CNTNAP3: variants seen among roughly 807,000 people sequenced by gnomAD.
CNTNAP3 encodes the protein contactin-associated protein-like 3.
Under a neutral mutation model 92.1 loss-of-function variants are expected in CNTNAP3, and 36 were observed. The ratio of observed to expected loss-of-function variants is 0.39; its 90% CI spans 0.30 to 0.52. The LOEUF (loss-of-function observed/expected upper bound fraction) is 0.52. CNTNAP3 is among the 20% of genes least tolerant of loss of function. The pLI is 0.76. For synonymous variants in CNTNAP3, 232 were observed against 422.3 expected (o/e 0.55, Z 5.53); for missense variants, 534 against 1,069.6 (o/e 0.50, Z 6.98).
At chr9:39,117,935 A>T (rs1208482088) in intron 14 of CNTNAP3, 168 bp downstream of exon 14, 1 of 1,297,500 alleles carries the variant, frequency 7.7e-7, no homozygotes, top group Admixed American at 2.6e-5. Context: ...TTGGTCATAA[A>T]ATTTAATCCT....
intron 13 of CNTNAP3, among the ~76,000 whole-genome samples, chr9:39,129,454 C>G (rs1170441195): frequency 6.8e-6 from 1 of 146,740 alleles, no homozygotes; most frequent in Non-Finnish European, 1.5e-5. Context: ...AGAATCAACT[C>G]TCACATCTTA....
chr9:39,078,686 A>G lies in CNTNAP3; in HGVS notation c.3673+4T>C. 1 of 1,541,886 alleles carries G rather than the reference A, an allele frequency of 6.5e-7. No homozygotes were observed. The highest frequency in any genetic ancestry group is 8.7e-7 in the Non-Finnish European group (1 of 1,145,422). The stretch of plus-strand genomic sequence containing the variant: ...CAGGTGCGCAGGGGTGGAGGGCCAC[A>G]CACCTGCGCCCCCCGCGAGTCGGGG... On this transcript the variant is annotated splice_donor_region_variant and intron_variant, in intron 22 of 23. Transcript: ENST00000297668.
chr9:39,134,151 G>A (rs1191961533), intron 12 of CNTNAP3, among the ~76,000 whole-genome samples: 2 of 151,994 alleles, frequency 1.3e-5, no homozygotes, highest in Non-Finnish European at 2.9e-5. Context: ...CCTAACAACA[G>A]AGATCAGAGG....
chr9:39,083,432 G>A (rs369599018), intron 21 of CNTNAP3, among the ~76,000 whole-genome samples: 1 of 152,098 alleles, frequency 6.6e-6, no homozygotes, highest in Non-Finnish European at 1.5e-5. Flanking sequence ...AGACTGAGGC[G>A]GGTGGATCAC....
Position 39,065,858 on chromosome 9 carries a change from A to C in CNTNAP3, c.*8032T>G, listed in dbSNP as rs1207174888. On this transcript the variant is annotated 3_prime_UTR_variant, in exon 24 of 24. Transcript: ENST00000297668. ...TCTTTATGAACTATATTCTGAAAAA[A>C]ATTTACAGCATTCAAATAAAGTGTT... 2.0e-5 allele frequency among the ~76,000 whole-genome samples: 3 copies of C among 152,094 alleles called. No individual in the cohort carries two copies. Among genetic ancestry groups the C allele is most frequent in the Admixed American group, 1.3e-4 (2 of 15,254 alleles).
chr9:39,125,646 T>C (rs1821136929), intron 13 of CNTNAP3, among the ~76,000 whole-genome samples: 1 of 152,006 alleles, frequency 6.6e-6, no homozygotes, highest in Admixed American at 6.6e-5. Context: ...AGATATACCA[T>C]GGTAACACTA....
intron 23 of CNTNAP3, among the ~76,000 whole-genome samples, chr9:39,076,658 T>G (rs903440029): frequency 6.6e-6 from 1 of 152,304 alleles, no homozygotes; most frequent in African/African-American, 2.4e-5. Context: ...GTCTGCAGAA[T>G]AAGAATACAA....
intron 17 of CNTNAP3, among the ~76,000 whole-genome samples, chr9:39,102,248 C>T (rs1296233430): frequency 1.1e-4 from 17 of 152,354 alleles, no homozygotes; most frequent in East Asian, 3.9e-4. Flanking sequence ...CCACTGCACT[C>T]CAGCCTGGGC....
At chr9:39,130,907 T>C (rs1054233869) in intron 13 of CNTNAP3, among the ~76,000 whole-genome samples, 1 of 151,850 alleles carries the variant, frequency 6.6e-6, no homozygotes, top group African/African-American at 2.4e-5. Flanking sequence ...GATGTCACCT[T>C]GGGGTGGGGG....
chr9:39,125,675 GTATCTAAAT>G (rs1337694541), intron 13 of CNTNAP3, among the ~76,000 whole-genome samples: 2 of 152,000 alleles, frequency 1.3e-5, no homozygotes, highest in African/African-American at 4.8e-5. Context: ...GAAAGCCAGA[GTATCTAAAT>G]TAATTTTAGA....
chr9:39,086,366 C>T (rs1422462363), intron 20 of CNTNAP3: 1 of 277,708 alleles, frequency 3.6e-6, no homozygotes, highest in African/African-American at 2.2e-5. Flanking sequence ...AAGACAAGTT[C>T]CCACTGCAGT....
intron 12 of CNTNAP3, among the ~76,000 whole-genome samples, chr9:39,136,000 G>T (rs2315719): frequency 6.6e-6 from 1 of 151,296 alleles, no homozygotes; most frequent in Admixed American, 6.6e-5. Context: ...GTGGTGGCAC[G>T]TGCCTGTAGT....
intron 9 of CNTNAP3, chr9:39,159,159 T>A (rs1040574269): frequency 6.7e-6 from 1 of 149,832 alleles, no homozygotes; most frequent in African/African-American, 2.4e-5. Flanking sequence ...GACTTTGGAA[T>A]CCATAGTGTA....
Position 39,067,491 on chromosome 9 carries a change from G to A in CNTNAP3, c.*6399C>T, listed in dbSNP as rs1282704758. On this transcript the variant is annotated 3_prime_UTR_variant, in exon 24 of 24. Transcript: ENST00000297668. ...CGGCCCACTGCAAACTCTGCCTCCC[G>A]GGTTCATGCCATTCTCCTGCCCCAG... Among the ~76,000 whole-genome samples, 1 of 152,300 alleles carries A rather than the reference G, an allele frequency of 6.6e-6. No homozygotes were observed. Among genetic ancestry groups the A allele is most frequent in the South Asian group, 2.1e-4 (1 of 4,834 alleles).
chr9:39,147,042 T>C (rs1440889898), intron 10 of CNTNAP3, among the ~76,000 whole-genome samples: 1 of 152,102 alleles, frequency 6.6e-6, no homozygotes, highest in Non-Finnish European at 1.5e-5. Flanking sequence ...AGTGAATAAG[T>C]CTCACGAGAG....
At chr9:39,125,469 G>T (rs1332269652) in intron 13 of CNTNAP3, among the ~76,000 whole-genome samples, 1 of 152,044 alleles carries the variant, frequency 6.6e-6, no homozygotes. Flanking sequence ...TAACAAACCT[G>T]CATGTTGTGC....
intron 21 of CNTNAP3, among the ~76,000 whole-genome samples, chr9:39,079,199 C>T (rs1052100907): frequency 5.3e-5 from 8 of 152,198 alleles, no homozygotes; most frequent in African/African-American, 1.9e-4. Flanking sequence ...AAAGCGGTTA[C>T]ATGGCATAAA....
At chr9:39,184,165 T>C (rs1169827507) in intron 4 of CNTNAP3, among the ~76,000 whole-genome samples, 1 of 142,222 alleles carries the variant, frequency 7.0e-6, no homozygotes, top group African/African-American at 2.8e-5. Context: ...TACCTGCTGA[T>C]AGACATTTGA....
rs376304564 is a variant in CNTNAP3, at chr9:39,102,658, A to G, written c.2594T>C (p.Val865Ala). 7,665 of 1,425,158 alleles carry G rather than the reference A, an allele frequency of 5.4e-3. 21 individuals are homozygous for G. The South Asian group carries it at 0.068, about 13-fold the overall frequency. The allele number at this position is 1,425,158 out of a possible 1,614,324, so 88.3% of individuals were successfully genotyped here. A position where few individuals can be genotyped will look rare whatever the true frequency, so the allele number is the denominator to read the frequency against. Residue 865 changes from valine to alanine, a missense_variant, in exon 17 of 24, where the codon GTG becomes GCG. Transcript: ENST00000297668. ...DVGNGPCEVT[V>A]QSPTPFNDNQ... The stretch of plus-strand genomic sequence containing the variant: ...GTCATTAAAGGGAGTGGGTGACTGC[A>G]CCGTGACCTCACAAGGTCCATTCCC...
Sources: allele counts gnomAD v4.1 joint callset (sites outside exome capture counted in the v4.1 genomes callset), GRCh38; gene constraint gnomAD v4.1.1; transcripts MANE v1.5; gene names NCBI Gene and HGNC (gene_info 2026-07-23, HGNC 2026-07-21).